WWC2: variants seen among roughly 807,000 people sequenced by gnomAD.
WWC2 encodes protein WWC2.
Under a neutral mutation model 138.5 loss-of-function variants are expected in WWC2, and 101 were observed. The ratio of observed to expected loss-of-function variants is 0.73; its 90% CI spans 0.62 to 0.86. WWC2 has a LOEUF of 0.86. Among genes scored for constraint, WWC2 ranks in the 40% least tolerant of loss-of-function variants. WWC2 has a pLI of 0.00. For missense variants in WWC2, 1,420 were observed against 1,419.4 expected (o/e 1.00, Z -0.01); for synonymous variants, 558 against 538.4 (o/e 1.04, Z -0.50).
chr4:183,271,185 GA>G lies in WWC2; in HGVS notation c.2510del (p.Asn837MetfsTer12). 6.2e-7 allele frequency: 1 copy of G among 1,612,860 alleles called. No individual in the cohort carries two copies. The highest frequency in any genetic ancestry group is 8.5e-7 in the Non-Finnish European group (1 of 1,179,418). ...GCAAATGCCTTGCAAAAAGAATGAA[GA>G]AAATGAGGACTCTGTATTTCAACCA... The part of the protein sequence containing the change: ...SKQMPCKKNE[E>X]NEDSVFQPNQ... On this transcript the variant is annotated frameshift_variant, in exon 16 of 23. Coordinates refer to ENST00000403733, the MANE Select transcript of WWC2 (RefSeq NM_024949.6). LOFTEE classifies it high-confidence loss of function.
chr4:183,240,442 G>A (rs1332923384), intron 5 of WWC2, 180 bp downstream of exon 5: 1 of 498,600 alleles, frequency 2.0e-6, no homozygotes, highest in Non-Finnish European at 3.5e-6. Flanking sequence ...ACTTGGGAAA[G>A]ATCTATGCAC....
At chr4:183,140,987 A>G (rs1204003638) in intron 1 of WWC2, among the ~76,000 whole-genome samples, 1 of 152,220 alleles carries the variant, frequency 6.6e-6, no homozygotes, top group East Asian at 1.9e-4. Flanking sequence ...AAATTGGATA[A>G]TTGTGCTCTG....
At chr4:183,142,533 C>G (rs573464863) in intron 1 of WWC2, among the ~76,000 whole-genome samples, 1 of 152,294 alleles carries the variant, frequency 6.6e-6, no homozygotes, top group African/African-American at 2.4e-5. Context: ...GTGTATAGGT[C>G]CTTCCAAAAA....
chr4:183,265,631 A>C (rs769364816), intron 12 of WWC2, 57 bp from the exon 13 acceptor site: 1 of 1,512,906 alleles, frequency 6.6e-7, no homozygotes, highest in Non-Finnish European at 9.0e-7. Context: ...CAAACTGTTA[A>C]CCATAACAAT....
At chr4:183,195,400 C>A (rs920839057) in intron 2 of WWC2, among the ~76,000 whole-genome samples, 14 of 152,152 alleles carry the variant, frequency 9.2e-5, no homozygotes, top group African/African-American at 3.4e-4. Flanking sequence ...TTCTCAACAC[C>A]TACAAACTCT....
At chr4:183,286,231 G>C (rs1738246208) in intron 20 of WWC2, among the ~76,000 whole-genome samples, 172 bp downstream of exon 20, 1 of 152,026 alleles carries the variant, frequency 6.6e-6, no homozygotes, top group Admixed American at 6.6e-5. Flanking sequence ...CTATGGAGAT[G>C]GGGGGGTGTG....
At chr4:183,136,933 G>A (rs1277955395) in intron 1 of WWC2, among the ~76,000 whole-genome samples, 1 of 151,960 alleles carries the variant, frequency 6.6e-6, no homozygotes, top group Non-Finnish European at 1.5e-5. Context: ...ATTCCTCCTA[G>A]GTTACAAATC....
At chr4:183,296,933 C>CAAAAAAAAAA (rs776211338) in intron 21 of WWC2, among the ~76,000 whole-genome samples, 1 of 70,766 alleles carries the variant, frequency 1.4e-5, no homozygotes, top group African/African-American at 6.3e-5. Context: ...GACTCCGTCT[C>CAAAAAAAAAA]AAAAAAAAAA....
At position 183,286,041 on chromosome 4, in the gene WWC2, C is replaced by T. The variant is rs745417360; in HGVS notation, c.3123C>T (p.Arg1041=). The part of the protein sequence containing the change: ...SLFVRNSTER[R]SLRVKRTVCQ... Reference sequence around the variant, plus strand: ...TTGTGAGAAACTCCACCGAACGCCGCAGTTTGAGGGTCAAAAGGGTATGTA... The same window carrying T: ...TTGTGAGAAACTCCACCGAACGCCGTAGTTTGAGGGTCAAAAGGGTATGTA... Residue 1041 remains arginine (R), a synonymous_variant, in exon 20 of 23, where the codon CGC becomes CGT. Transcript: ENST00000403733. 8 of 1,580,094 alleles carry T rather than the reference C, an allele frequency of 5.1e-6. No individual in the cohort carries two copies. The highest frequency in any genetic ancestry group is 6.9e-6 in the Non-Finnish European group (8 of 1,161,570).
intron 4 of WWC2, among the ~76,000 whole-genome samples, chr4:183,229,837 T>C (rs1007073328): frequency 2.6e-5 from 4 of 152,086 alleles, no homozygotes; most frequent in Non-Finnish European, 4.4e-5. Context: ...TTTGTTGTTA[T>C]TGTTTTGAGA....
At chr4:183,261,620 G>A in intron 11 of WWC2, 88 bp downstream of exon 11, 8 of 1,393,636 alleles carry the variant, frequency 5.7e-6, no homozygotes, top group Non-Finnish European at 7.6e-6. Flanking sequence ...TAAACAAAGG[G>A]TATGATTCCC....
Position 183,316,184 on chromosome 4 carries a change from C to A in WWC2, c.*455C>A, listed in dbSNP as rs1397960812. ...GCGCTGGCGAGGAGAGGAGCGCTTT[C>A]CATTTGGAGGCAGTGTGAGCACACG... On this transcript the variant is annotated 3_prime_UTR_variant, in exon 23 of 23. Transcript: ENST00000403733. 6.3e-6 allele frequency: 1 copy of A among 159,080 alleles called. No homozygotes were observed. Among genetic ancestry groups the A allele is most frequent in the Non-Finnish European group, 1.4e-5 (1 of 71,936 alleles). 9.9% of individuals were successfully genotyped at this position (159,080 alleles called of 1,614,324 possible).
chr4:183,219,955 A>C (rs1037937260), intron 4 of WWC2, among the ~76,000 whole-genome samples: 15 of 152,158 alleles, frequency 9.9e-5, no homozygotes, highest in African/African-American at 3.6e-4. Flanking sequence ...GGGGAACTGG[A>C]GGTAACACAC....
chr4:183,259,808 A>G, intron 10 of WWC2, 80 bp downstream of exon 10: 1 of 964,928 alleles, frequency 1.0e-6, no homozygotes, highest in Non-Finnish European at 1.6e-6. Context: ...TTTTCACTTT[A>G]TTTCCAACTA....
At chr4:183,205,988 A>G (rs994581462) in intron 2 of WWC2, among the ~76,000 whole-genome samples, 5 of 152,054 alleles carry the variant, frequency 3.3e-5, no homozygotes, top group Non-Finnish European at 5.9e-5. Flanking sequence ...TGGAGCTTCT[A>G]CTGTGCTTTG....
At chr4:183,277,083 A>C in intron 16 of WWC2, among the ~76,000 whole-genome samples, 1 of 148,692 alleles carries the variant, frequency 6.7e-6, no homozygotes, top group African/African-American at 2.5e-5. Context: ...GCACCCACTA[A>C]CTCATCATCT....
intron 9 of WWC2, among the ~76,000 whole-genome samples, chr4:183,258,890 T>C (rs528384525): frequency 6.6e-6 from 1 of 152,338 alleles, no homozygotes; most frequent in Admixed American, 6.5e-5. Context: ...AGACTCTTAG[T>C]TGCATAAACC....
chr4:183,245,196 C>T (rs1430454491), intron 5 of WWC2, among the ~76,000 whole-genome samples: 5 of 145,904 alleles, frequency 3.4e-5, no homozygotes, highest in African/African-American at 1.3e-4. Flanking sequence ...CACTGCACTC[C>T]AGCCTGGGCG....
chr4:183,159,270 T>C (rs1733891101), intron 1 of WWC2, among the ~76,000 whole-genome samples: 1 of 152,232 alleles, frequency 6.6e-6, no homozygotes, highest in Admixed American at 6.5e-5. Flanking sequence ...TGACTAGGCA[T>C]GGATTTATGT....
Sources: allele counts gnomAD v4.1 joint callset (sites outside exome capture counted in the v4.1 genomes callset), GRCh38; gene constraint gnomAD v4.1.1; transcripts MANE v1.5; gene names NCBI Gene and HGNC (gene_info 2026-07-23, HGNC 2026-07-21).